POLN: variants seen among roughly 807,000 people sequenced by gnomAD.
The protein encoded by POLN is DNA polymerase N.
In POLN, 108 loss-of-function variants were observed where a neutral mutation model predicts 113.5. The observed-to-expected ratio is 0.95, with a 90% CI of 0.81 to 1.12. The LOEUF (loss-of-function observed/expected upper bound fraction) is 1.12. Ranked by LOEUF, POLN falls within the 50% of genes most tolerant of loss-of-function variation. The probability of loss-of-function intolerance (pLI) is 0.00; values close to 1 mark genes in which losing one functional copy is unlikely to be tolerated. For missense variants in POLN, 1,097 were observed against 1,077.1 expected, an observed-to-expected ratio of 1.02 and a Z score of -0.26; for synonymous variants, 386 against 391.5, an observed-to-expected ratio of 0.99 and a Z score of 0.17.
chr4:2,159,119 A>G (rs1553898887), intron 14 of POLN, 36 bp downstream of exon 14: 1 of 1,485,400 alleles, frequency 6.7e-7, no homozygotes, highest in Non-Finnish European at 9.4e-7. Flanking sequence ...CCCCCTCATC[A>G]CCTTTTACCT....
At chr4:2,212,192 A>C (rs1219529410) in intron 4 of POLN, among the ~76,000 whole-genome samples, 4 of 152,206 alleles carry the variant, frequency 2.6e-5, no homozygotes, top group Middle Eastern at 3.4e-3. Context: ...TTTCATACAC[A>C]AGGTCTTTGG....
intron 16 of POLN, among the ~76,000 whole-genome samples, chr4:2,135,567 G>A (rs1731835127): frequency 6.6e-6 from 1 of 152,226 alleles, no homozygotes; most frequent in Admixed American, 6.5e-5. Flanking sequence ...GTTCACAGGT[G>A]TCTACGTGAG....
intron 2 of POLN, among the ~76,000 whole-genome samples, chr4:2,239,573 C>G (rs1221463043): frequency 6.6e-6 from 1 of 152,190 alleles, no homozygotes; most frequent in Non-Finnish European, 1.5e-5. Flanking sequence ...AGAGTGCAGA[C>G]AGACATCTGC....
chr4:2,157,743 A>AT, intron 15 of POLN, 115 bp downstream of exon 15: 1 of 489,048 alleles, frequency 2.0e-6, no homozygotes, highest in Non-Finnish European at 3.2e-6. Flanking sequence ...AAAAAAAAAA[A>AT]AAAGAATATT....
chr4:2,174,078 A>C, intron 10 of POLN, 59 bp from the exon 11 acceptor site: 1 of 1,532,394 alleles, frequency 6.5e-7, no homozygotes. Flanking sequence ...TTTACTAAAG[A>C]CTAAAATGCT....
intron 16 of POLN, among the ~76,000 whole-genome samples, chr4:2,145,991 A>C (rs1420150190): frequency 6.6e-6 from 1 of 152,208 alleles, no homozygotes; most frequent in African/African-American, 2.4e-5. Flanking sequence ...TGTTGAATGA[A>C]AACAGCAAAT....
chr4:2,081,052 T>C lies in POLN; in HGVS notation c.2309-16A>G, dbSNP rs1281290526. Reference sequence around the variant, plus strand: ...GCAGCGGAGCCTATGGGGCGCGTGGTACTGTCTTGAGGTCCCATGGCACAC... The same window carrying C: ...GCAGCGGAGCCTATGGGGCGCGTGGCACTGTCTTGAGGTCCCATGGCACAC... On this transcript the variant is annotated splice_polypyrimidine_tract_variant and intron_variant, in intron 22 of 25. Coordinates refer to ENST00000511885, the MANE Select transcript of POLN (RefSeq NM_181808.4). The C allele has an allele frequency of 3.1e-6, 5 of 1,613,320 alleles. No individual in the cohort carries two copies. Among genetic ancestry groups the C allele is most frequent in the Non-Finnish European group, 4.2e-6 (5 of 1,179,980 alleles).
intron 11 of POLN, among the ~76,000 whole-genome samples, chr4:2,172,960 C>G (rs1732900618): frequency 6.6e-6 from 1 of 152,160 alleles, no homozygotes; most frequent in South Asian, 2.1e-4. Context: ...GCGGGAAACT[C>G]CACAGCACTG....
intron 16 of POLN, among the ~76,000 whole-genome samples, chr4:2,149,787 A>G (rs561382883): frequency 2.6e-5 from 4 of 152,030 alleles, no homozygotes; most frequent in Non-Finnish European, 4.4e-5. Context: ...CCTGTGTCTA[A>G]AAAGAGAGAG....
chr4:2,096,686 A>AGAG (rs1730799447), intron 19 of POLN, among the ~76,000 whole-genome samples: 2 of 129,896 alleles, frequency 1.5e-5, no homozygotes, highest in East Asian at 4.8e-4. Context: ...AGCCGAGAGA[A>AGAG]AGAGAGAGAG....
intron 16 of POLN, among the ~76,000 whole-genome samples, chr4:2,133,597 T>G (rs1731781913): frequency 1.3e-5 from 2 of 152,216 alleles, no homozygotes; most frequent in Admixed American, 1.3e-4. Context: ...TTAATTCCAG[T>G]ATATGTACAT....
chr4:2,218,784 G>A (rs1413985532), intron 3 of POLN, among the ~76,000 whole-genome samples: 1 of 152,160 alleles, frequency 6.6e-6, no homozygotes, highest in Non-Finnish European at 1.5e-5. Context: ...CTTGTTAATT[G>A]CATATGCCAC....
rs1256559913 is a variant in POLN at position 2,129,190 on chromosome 4, A to G, written c.1856T>C (p.Phe619Ser). 2 of 1,589,000 alleles carry G rather than the reference A, an allele frequency of 1.3e-6. No homozygotes were observed. Among genetic ancestry groups the G allele is most frequent in the Admixed American group, 3.3e-5 (2 of 59,960 alleles). Residue 619 changes from phenylalanine to serine, a missense_variant, in exon 18 of 26, where the codon TTT (phenylalanine) becomes TCT (serine). By Grantham distance (155) the Phe-to-Ser change is radical. Transcript: ENST00000511885. The part of the protein sequence containing the change: ...AMFVSSKGHT[F>S]LAADFSQIEL... Reference sequence around the variant, plus strand: ...CTACAGCAACGTACCTGCTGCTAGAAAGGTGTGGCCTTTGGATGAAACAAA... The same window carrying G: ...CTACAGCAACGTACCTGCTGCTAGAGAGGTGTGGCCTTTGGATGAAACAAA...
chr4:2,196,754 A>C (rs1370264321), intron 6 of POLN, among the ~76,000 whole-genome samples: 1 of 152,298 alleles, frequency 6.6e-6, no homozygotes, highest in East Asian at 1.9e-4. Context: ...AGAAGGAAGT[A>C]AGGAAAAACC....
At chr4:2,076,014 G>A (rs1012412748) in intron 23 of POLN, among the ~76,000 whole-genome samples, 1 of 152,150 alleles carries the variant, frequency 6.6e-6, no homozygotes. Context: ...GGGCTTCTCC[G>A]AGACCTCGCT....
intron 7 of POLN, among the ~76,000 whole-genome samples, chr4:2,189,802 G>C (rs955484083): frequency 6.6e-6 from 1 of 151,476 alleles, no homozygotes; most frequent in South Asian, 2.1e-4. Flanking sequence ...AGACCAAGGC[G>C]GGTGGATCAC....
chr4:2,146,563 C>T (rs1732145120), intron 16 of POLN, among the ~76,000 whole-genome samples: 1 of 152,030 alleles, frequency 6.6e-6, no homozygotes, highest in African/African-American at 2.4e-5. Flanking sequence ...ATGATGAATA[C>T]ACACATGATC....
At chr4:2,104,539 A>C (rs1731000704) in intron 19 of POLN, among the ~76,000 whole-genome samples, 2 of 152,240 alleles carry the variant, frequency 1.3e-5, no homozygotes, top group Admixed American at 1.3e-4. Flanking sequence ...TTTGTAGAAA[A>C]GCAGGAAGGA....
At chr4:2,116,232 G>A (rs1731314281) in intron 19 of POLN, among the ~76,000 whole-genome samples, 1 of 152,166 alleles carries the variant, frequency 6.6e-6, no homozygotes, top group South Asian at 2.1e-4. Flanking sequence ...TGGAGCTGGG[G>A]CTCTTTAGAA....
Sources: allele counts gnomAD v4.1 joint callset (sites outside exome capture counted in the v4.1 genomes callset), GRCh38; gene constraint gnomAD v4.1.1; transcripts MANE v1.5; gene names NCBI Gene and HGNC (gene_info 2026-07-23, HGNC 2026-07-21).